The following USP10 variants were observed in gnomAD, a reference collection of about 807,000 sequenced individuals.
USP10 encodes the protein ubiquitin carboxyl-terminal hydrolase 10.
A neutral mutation model predicts 84.5 loss-of-function variants in USP10; 22 were observed. The observed-to-expected ratio is 0.26, with a 90% confidence interval of 0.19 to 0.37. The LOEUF is 0.37. Ranked by LOEUF, USP10 falls within the 10% of genes least tolerant of loss-of-function variation. USP10 has a pLI of 1.00. For missense variants in USP10, 1,019 were observed against 998.9 expected (o/e 1.02, Z -0.27); for synonymous variants, 454 against 387.6 (o/e 1.17, Z -2.01).
At chr16:84,743,360 C>G (rs185282520) in intron 3 of USP10, among the ~76,000 whole-genome samples, 1 of 152,162 alleles carries the variant, frequency 6.6e-6, no homozygotes, top group Non-Finnish European at 1.5e-5. Context: ...TACGAAGATT[C>G]AGGAGGCCTC....
chr16:84,733,347 A>G, intron 1 of USP10, 88 bp from the exon 2 acceptor site: 1 of 1,057,164 alleles, frequency 9.5e-7, no homozygotes. Flanking sequence ...CAAATGTTGC[A>G]TAGGATTGTT....
intron 1 of USP10, among the ~76,000 whole-genome samples, chr16:84,729,078 G>A (rs986976071): frequency 1.3e-5 from 2 of 152,206 alleles, no homozygotes; most frequent in Non-Finnish European, 2.9e-5. Context: ...GATTACAAGC[G>A]TGAGCCACCG....
intron 2 of USP10, 71 bp from the exon 3 acceptor site, chr16:84,740,238 C>T (rs768423361): frequency 7.2e-7 from 1 of 1,397,296 alleles, no homozygotes; most frequent in Non-Finnish European, 1.0e-6. Flanking sequence ...GAATTGTTGC[C>T]TTAATTAAAT....
At chr16:84,749,045 G>C (rs1911587199) in intron 4 of USP10, among the ~76,000 whole-genome samples, 1 of 152,160 alleles carries the variant, frequency 6.6e-6, no homozygotes, top group Admixed American at 6.5e-5. Context: ...GGCTTCGATA[G>C]ACAGAACGTA....
At chr16:84,721,747 G>C (rs1479826503) in intron 1 of USP10, among the ~76,000 whole-genome samples, 1 of 152,204 alleles carries the variant, frequency 6.6e-6, no homozygotes, top group African/African-American at 2.4e-5. Flanking sequence ...TGCCAGGCTG[G>C]AGTGCAGTGG....
chr16:84,714,127 G>A (rs1056061578), intron 1 of USP10, among the ~76,000 whole-genome samples: 3 of 152,180 alleles, frequency 2.0e-5, no homozygotes, highest in African/African-American at 2.4e-5. Flanking sequence ...GCACAGAGGC[G>A]GAGGTAGATT....
At chr16:84,777,967 C>T (rs1915186916) in intron 13 of USP10, among the ~76,000 whole-genome samples, 2 of 152,288 alleles carry the variant, frequency 1.3e-5, no homozygotes, top group East Asian at 1.9e-4. Context: ...CCCCTCTGCT[C>T]CATAGAAGTG....
Position 84,759,929 on chromosome 16 carries a change from C to T in USP10, c.1433C>T (p.Pro478Leu). The T allele has an allele frequency of 1.2e-6, 2 of 1,613,972 alleles. No individual in the cohort carries two copies. The highest frequency in any genetic ancestry group is 1.7e-6 in the Non-Finnish European group (2 of 1,179,872). The part of the protein sequence containing the change: ...LMNEFTNMPV[P>L]PKPRQALGDK... ...AATGAGTTCACTAATATGCCAGTAC[C>T]TCCAAAACCCCGACAAGGTTAGTAA... Residue 478 changes from proline (P) to leucine (L), a missense_variant, in exon 7 of 14, where the codon CCT (proline) becomes CTT (leucine). This residue lies in a region of USP10 where 787 missense variants were observed against 708.8 expected (regional missense o/e 1.11). Coordinates refer to ENST00000219473, the MANE Select transcript of USP10 (RefSeq NM_005153.3).
intron 4 of USP10, among the ~76,000 whole-genome samples, chr16:84,749,144 A>C (rs16974519): frequency 0.2 from 29,944 of 152,172 alleles, 3,574 homozygotes; most frequent in East Asian, 0.37. Flanking sequence ...CTTAGGGAGA[A>C]TGGCATTGTT....
At chr16:84,752,066 G>A (rs4783057) in intron 4 of USP10, among the ~76,000 whole-genome samples, 96,421 of 151,978 alleles carry the variant, frequency 0.63, 31,164 homozygotes, top group East Asian at 0.82. Context: ...CCATTTTTCT[G>A]TATGTCAGCA....
intron 4 of USP10, among the ~76,000 whole-genome samples, chr16:84,746,151 T>G (rs1911201260): frequency 8.5e-6 from 1 of 117,114 alleles, no homozygotes; most frequent in African/African-American, 3.5e-5. Flanking sequence ...TACACCAAGG[T>G]CAGCTCTTGA....
chr16:84,741,977 C>T (rs1253351242), intron 3 of USP10, among the ~76,000 whole-genome samples: 1 of 152,182 alleles, frequency 6.6e-6, no homozygotes, highest in Non-Finnish European at 1.5e-5. Flanking sequence ...TATTCTGCTC[C>T]CTCCCACTAC....
chr16:84,731,726 T>A (rs1909263607), intron 1 of USP10, among the ~76,000 whole-genome samples: 1 of 152,336 alleles, frequency 6.6e-6, no homozygotes, highest in Admixed American at 6.5e-5. Context: ...ATTTAGTGAT[T>A]TAAAATTAGT....
chr16:84,751,018 G>T (rs1399354163), intron 4 of USP10, among the ~76,000 whole-genome samples: 1 of 152,194 alleles, frequency 6.6e-6, no homozygotes, highest in Non-Finnish European at 1.5e-5. Context: ...AAGTGTAAAT[G>T]AACATACAGT....
intron 1 of USP10, among the ~76,000 whole-genome samples, chr16:84,706,399 A>G (rs1201155444): frequency 6.6e-6 from 1 of 151,702 alleles, no homozygotes; most frequent in Admixed American, 6.6e-5. Context: ...AGAAAAGTAC[A>G]AAGAGTTCCT....
chr16:84,728,224 A>T (rs1338326054), intron 1 of USP10, among the ~76,000 whole-genome samples: 1 of 152,248 alleles, frequency 6.6e-6, no homozygotes, highest in Admixed American at 6.5e-5. Context: ...GGTGTCACAA[A>T]CATGCCTTGC....
At chr16:84,755,125 A>G (rs1427451407) in intron 4 of USP10, among the ~76,000 whole-genome samples, 2 of 151,398 alleles carry the variant, frequency 1.3e-5, no homozygotes, top group Non-Finnish European at 2.9e-5. Context: ...GAACGGGTCA[A>G]CAACGAAGGG....
At chr16:84,775,529 G>A (rs1442356093) in intron 13 of USP10, among the ~76,000 whole-genome samples, 16 of 152,178 alleles carry the variant, frequency 1.1e-4, no homozygotes, top group Admixed American at 1.0e-3. Context: ...ACCTCTCCCG[G>A]CTGTGCTTGT....
intron 3 of USP10, among the ~76,000 whole-genome samples, chr16:84,740,853 T>A (rs1028126892): frequency 6.6e-6 from 1 of 152,264 alleles, no homozygotes; most frequent in African/African-American, 2.4e-5. Context: ...CACCTCCTGG[T>A]CTGTTACTTT....
Sources: allele counts gnomAD v4.1 joint callset (sites outside exome capture counted in the v4.1 genomes callset), GRCh38; gene constraint gnomAD v4.1.1; regional missense constraint gnomAD v4.1.1; transcripts MANE v1.5; gene names NCBI Gene and HGNC (gene_info 2026-07-23, HGNC 2026-07-21).